The following MKNK1 variants were observed in gnomAD, a reference collection of about 807,000 sequenced individuals.
MKNK1 encodes the protein MAPK interacting serine/threonine kinase 1.
A neutral mutation model predicts 49.3 loss-of-function variants in MKNK1; 30 were observed. That is an observed-to-expected ratio of 0.61 (90% confidence interval 0.46 to 0.83). The LOEUF is 0.83. Ranked by LOEUF, MKNK1 falls within the 40% of genes least tolerant of loss-of-function variation. MKNK1 has a pLI of 0.00. For synonymous variants in MKNK1, 176 were observed against 201.7 expected, an observed-to-expected ratio of 0.87 and a Z score of 1.08; for missense variants, 423 against 524.7, an observed-to-expected ratio of 0.81 and a Z score of 1.89.
intron 5 of MKNK1, chr1:46,575,298 T>A (rs1670789047): frequency 6.1e-6 from 2 of 328,596 alleles, no homozygotes; most frequent in Non-Finnish European, 1.1e-5. Context: ...GGTAGAGTTA[T>A]AAAAAAGTCC....
intron 1 of MKNK1, among the ~76,000 whole-genome samples, chr1:46,597,067 C>CCTGGAGCCCTCTCCTCATTCCTGTA (rs1553210093): frequency 6.6e-6 from 1 of 152,160 alleles, no homozygotes; most frequent in East Asian, 1.9e-4. Context: ...CCAGATGGAC[C>CCTGGAGCCCTCTCCTCATTCCTGTA]CTGGAGCCCT....
At chr1:46,603,442 C>T (rs1675003168) in intron 1 of MKNK1, among the ~76,000 whole-genome samples, 1 of 152,204 alleles carries the variant, frequency 6.6e-6, no homozygotes. Context: ...ATGTATTCAG[C>T]ACCCATTACA....
At chr1:46,574,806 T>C in intron 6 of MKNK1, 141 bp downstream of exon 6, 1 of 595,056 alleles carries the variant, frequency 1.7e-6, no homozygotes. Context: ...CGGCCTCCCT[T>C]CTCCCAAATC....
chr1:46,585,911 C>G (rs548869753), intron 2 of MKNK1: 2 of 1,364,978 alleles, frequency 1.5e-6, no homozygotes, highest in Non-Finnish European at 2.0e-6. Flanking sequence ...AAAGAGGGTA[C>G]GCCAGAAGGG....
At chr1:46,560,177 C>T (rs1246499331) in intron 12 of MKNK1, 57 bp downstream of exon 12, 1 of 1,598,858 alleles carries the variant, frequency 6.3e-7, no homozygotes, top group East Asian at 2.2e-5. Flanking sequence ...GCCCCCACCC[C>T]CATGGTGGCT....
intron 1 of MKNK1, among the ~76,000 whole-genome samples, chr1:46,603,331 C>T (rs1674991093): frequency 6.6e-6 from 1 of 152,182 alleles, no homozygotes; most frequent in African/African-American, 2.4e-5. Context: ...TCTGTAAATC[C>T]CACTGAGGCT....
At chr1:46,560,395 G>A (rs377205942) in intron 11 of MKNK1, 118 bp from the exon 12 acceptor site, 18 of 1,075,502 alleles carry the variant, frequency 1.7e-5, no homozygotes, top group African/African-American at 1.1e-4. Context: ...CAGGGAAATG[G>A]CTATGCTTGC....
At chr1:46,566,141 C>T (rs1452816601) in intron 8 of MKNK1, among the ~76,000 whole-genome samples, 37 of 152,200 alleles carry the variant, frequency 2.4e-4, no homozygotes. Flanking sequence ...AACTCCCATT[C>T]TTTCTTCCCC....
intron 4 of MKNK1, among the ~76,000 whole-genome samples, chr1:46,579,907 A>G (rs778544369): frequency 6.6e-6 from 1 of 152,062 alleles, no homozygotes; most frequent in Non-Finnish European, 1.5e-5. Context: ...TTTCTGAGAC[A>G]TCATTCAGAT....
intron 1 of MKNK1, among the ~76,000 whole-genome samples, chr1:46,597,115 G>T (rs1293623370): frequency 6.6e-6 from 1 of 152,098 alleles, no homozygotes; most frequent in African/African-American, 2.4e-5. Flanking sequence ...ATAGGGCTGG[G>T]GTGGGGAAGG....
intron 1 of MKNK1, among the ~76,000 whole-genome samples, chr1:46,600,693 C>T (rs1674615418): frequency 6.6e-6 from 1 of 152,222 alleles, no homozygotes; most frequent in African/African-American, 2.4e-5. Context: ...GCCATTAAAA[C>T]CACACTAAAA....
At chr1:46,596,062 T>C (rs1040612709) in intron 1 of MKNK1, among the ~76,000 whole-genome samples, 2 of 152,252 alleles carry the variant, frequency 1.3e-5, no homozygotes, top group South Asian at 4.1e-4. Flanking sequence ...GCTTCCATTC[T>C]GTCTTTAGTC....
rs748216216 is a variant in MKNK1 at position 46,565,151 on chromosome 1, A to G, written c.514-15T>C. 1.2e-5 allele frequency: 19 copies of G among 1,611,768 alleles called. No individual in the cohort carries two copies. Among genetic ancestry groups the G allele is most frequent in the African/African-American group, 5.3e-5 (4 of 74,902 alleles). On this transcript the variant is annotated splice_polypyrimidine_tract_variant and intron_variant, in intron 8 of 12. Transcript: ENST00000371945. ...ACTGGAGACACCTGAAAAGGAAAAC[A>G]GAAGACAGGGTCACAGATATAAGAA...
intron 3 of MKNK1, 140 bp from the exon 4 acceptor site, chr1:46,580,767 C>T: frequency 1.6e-6 from 1 of 608,410 alleles, no homozygotes; most frequent in Admixed American, 3.0e-5. Flanking sequence ...ACAAGGAAGA[C>T]AAGTAGCTTT....
chr1:46,582,418 G>A (rs1157204031), intron 3 of MKNK1, among the ~76,000 whole-genome samples: 1 of 152,186 alleles, frequency 6.6e-6, no homozygotes, highest in Non-Finnish European at 1.5e-5. Flanking sequence ...GGTGGCTGGA[G>A]GTCCCATATT....
At chr1:46,588,971 T>C (rs1672990511) in intron 2 of MKNK1, among the ~76,000 whole-genome samples, 1 of 152,086 alleles carries the variant, frequency 6.6e-6, no homozygotes, top group African/African-American at 2.4e-5. Flanking sequence ...GTATATGAAA[T>C]GAGGTAAGCA....
chr1:46,582,012 T>C (rs1671822873), intron 3 of MKNK1, among the ~76,000 whole-genome samples: 1 of 152,192 alleles, frequency 6.6e-6, no homozygotes, highest in Non-Finnish European at 1.5e-5. Context: ...GCAGAAGACA[T>C]TTCAACCATG....
At chr1:46,565,483 G>A (rs980242369) in intron 8 of MKNK1, 5 of 305,242 alleles carry the variant, frequency 1.6e-5, no homozygotes, top group African/African-American at 1.1e-4. Flanking sequence ...CTGAGAGACA[G>A]ACTTCTTGCA....
At chr1:46,578,913 C>G (rs541213873) in intron 4 of MKNK1, among the ~76,000 whole-genome samples, 1 of 151,988 alleles carries the variant, frequency 6.6e-6, no homozygotes, top group African/African-American at 2.4e-5. Flanking sequence ...GCACCACACC[C>G]GGCTAATATT....
Sources: allele counts gnomAD v4.1 joint callset (sites outside exome capture counted in the v4.1 genomes callset), GRCh38; gene constraint gnomAD v4.1.1; transcripts MANE v1.5; gene names NCBI Gene and HGNC (gene_info 2026-07-23, HGNC 2026-07-21).